Variants in ARHGAP32 observed in about 807,000 individuals in gnomAD.
ARHGAP32 encodes the protein Rho GTPase activating protein 32.
A neutral mutation model predicts 186.5 loss-of-function variants in ARHGAP32; 51 were observed. The ratio of observed to expected loss-of-function variants is 0.27; its 90% confidence interval spans 0.22 to 0.35. The LOEUF is 0.35. Among genes scored for constraint, ARHGAP32 ranks in the 10% least tolerant of loss-of-function variants. The pLI is 1.00. For missense variants in ARHGAP32, 2,186 were observed against 2,623.5 expected (o/e 0.83, Z 3.64); for synonymous variants, 950 against 964.3 (o/e 0.99, Z 0.27).
At chr11:129,063,137 G>T in intron 9 of ARHGAP32, among the ~76,000 whole-genome samples, 1 of 148,336 alleles carries the variant, frequency 6.7e-6, no homozygotes, top group African/African-American at 2.5e-5. Flanking sequence ...AGAGCTTTAG[G>T]AATTTTTCTT....
At chr11:128,975,684 T>C (rs1042262358) in intron 20 of ARHGAP32, among the ~76,000 whole-genome samples, 2 of 152,202 alleles carry the variant, frequency 1.3e-5, no homozygotes, top group African/African-American at 4.8e-5. Flanking sequence ...AGAAACTCTC[T>C]ATTCTATTAG....
intron 12 of ARHGAP32, among the ~76,000 whole-genome samples, chr11:128,989,258 C>A (rs1945967254): frequency 6.6e-6 from 1 of 151,586 alleles, no homozygotes; most frequent in Non-Finnish European, 1.5e-5. Context: ...TTAAAAAAAT[C>A]AAAAAACAAA....
upstream of ARHGAP32, among the ~76,000 whole-genome samples, chr11:129,193,690 TATATA>T (rs1226575656): frequency 0.013 from 352 of 27,476 alleles, no homozygotes; most frequent in Middle Eastern, 0.033. Context: ...TAATATATAT[TATATA>T]ATATATAATA....
chr11:129,208,012 G>C (rs1208663081), intron 1 of ARHGAP32, among the ~76,000 whole-genome samples: 2 of 152,066 alleles, frequency 1.3e-5, no homozygotes, highest in Non-Finnish European at 2.9e-5. Context: ...GGCATTACCT[G>C]CACACAACTG....
chr11:129,022,838 T>C (rs150649844), intron 11 of ARHGAP32, among the ~76,000 whole-genome samples: 1 of 152,288 alleles, frequency 6.6e-6, no homozygotes, highest in African/African-American at 2.4e-5. Flanking sequence ...CTAATTTTCT[T>C]AAATATAAAC....
intron 11 of ARHGAP32, 95 bp from the exon 12 acceptor site, chr11:128,998,563 A>G: frequency 1.2e-6 from 1 of 868,762 alleles, no homozygotes; most frequent in Non-Finnish European, 1.6e-6. Flanking sequence ...CTGACAGCAA[A>G]ATAATCTATT....
chr11:129,248,269 T>C (rs1945131315), intron 1 of ARHGAP32, among the ~76,000 whole-genome samples: 2 of 151,050 alleles, frequency 1.3e-5, no homozygotes, highest in Non-Finnish European at 2.9e-5. Context: ...TATCTGACCA[T>C]CTAGGAAAGA....
At chr11:129,052,091 T>G (rs1206911675) in intron 10 of ARHGAP32, among the ~76,000 whole-genome samples, 1 of 152,152 alleles carries the variant, frequency 6.6e-6, no homozygotes, top group African/African-American at 2.4e-5. Flanking sequence ...ATTTTAATTT[T>G]TGTAGATGGT....
chr11:129,279,060 GAAGGA>G (rs1591394970), intron 1 of ARHGAP32: 2 of 147,438 alleles, frequency 1.4e-5, no homozygotes, highest in African/African-American at 2.4e-5. Flanking sequence ...AATATTTTAA[GAAGGA>G]AAGAGAGGCC....
At chr11:129,103,353 G>C (rs535953898) in intron 5 of ARHGAP32, among the ~76,000 whole-genome samples, 2 of 152,120 alleles carry the variant, frequency 1.3e-5, no homozygotes, top group East Asian at 1.9e-4. Context: ...TATCCACACT[G>C]AATCACTAAG....
rs959675474 is a variant in ARHGAP32, at chr11:128,968,017, A to C, written c.*890T>G. ...TTTTACTAGAATTACAATTCACCAA[A>C]TCTTATTGAGGGGTGGGGTAAGAAG... On this transcript the variant is annotated 3_prime_UTR_variant, in exon 23 of 23. Transcript: ENST00000682385. 2.0e-5 allele frequency: 3 copies of C among 150,686 alleles called. No homozygotes were observed. Among genetic ancestry groups the C allele is most frequent in the Non-Finnish European group, 2.9e-5 (2 of 67,836 alleles). The allele number at this position is 150,686 out of a possible 1,614,324, so 9.3% of individuals were successfully genotyped here. A position where few individuals can be genotyped will look rare whatever the true frequency, so the allele number is the denominator to read the frequency against.
At chr11:129,001,628 T>G (rs1055145003) in intron 11 of ARHGAP32, among the ~76,000 whole-genome samples, 1 of 152,232 alleles carries the variant, frequency 6.6e-6, no homozygotes, top group Admixed American at 6.5e-5. Context: ...GTGATCCCAC[T>G]GTCCATTTTT....
intron 1 of ARHGAP32, among the ~76,000 whole-genome samples, chr11:129,211,184 T>G (rs1185571765): frequency 6.6e-6 from 1 of 152,186 alleles, no homozygotes; most frequent in Non-Finnish European, 1.5e-5. Flanking sequence ...GTTTTTTAAC[T>G]AACTGTTTTT....
At chr11:129,180,471 T>C (rs989002916) in intron 1 of ARHGAP32, among the ~76,000 whole-genome samples, 1 of 152,134 alleles carries the variant, frequency 6.6e-6, no homozygotes, top group Admixed American at 6.6e-5. Flanking sequence ...TTATGATTTG[T>C]AGACTTTATT....
upstream of ARHGAP32, among the ~76,000 whole-genome samples, chr11:129,194,193 T>C (rs1423137301): frequency 6.6e-6 from 1 of 152,074 alleles, no homozygotes; most frequent in African/African-American, 2.4e-5. Context: ...TTTAGCAAAA[T>C]CTACCAAAAT....
chr11:129,148,422 A>T (rs1194341943), intron 2 of ARHGAP32, among the ~76,000 whole-genome samples: 1 of 152,150 alleles, frequency 6.6e-6, no homozygotes, highest in Non-Finnish European at 1.5e-5. Flanking sequence ...AAAAACATAA[A>T]AGTGGAAACA....
At position 128,969,644 on chromosome 11, in the gene ARHGAP32, C is replaced by T. The variant is rs371147218; in HGVS notation, c.5569G>A (p.Gly1857Arg). The T allele has an allele frequency of 2.7e-5, 44 of 1,613,962 alleles. No homozygotes were observed. The Middle Eastern group carries it at 8.2e-4, about 30-fold the overall frequency. Residue 1857 changes from glycine (G) to arginine (R), a missense_variant, in exon 23 of 23, where the codon GGA becomes AGA. This residue lies in a region of ARHGAP32 where 1,502 missense variants were observed against 1,570.0 expected (regional missense o/e 0.96). Transcript: ENST00000682385. The surrounding 1 kb of genome is among the most constrained non-coding windows in gnomAD (Gnocchi z 4.8). ...TCCGGCTGCGTGCTACCATGGCCTC[C>T]GTGATGGTGGGCTCTGTCCATCTCT... ...EAEMDRAHHH[G>R]GHGSTQPEKP...
intron 12 of ARHGAP32, among the ~76,000 whole-genome samples, chr11:128,990,436 C>G (rs1485695680): frequency 6.6e-6 from 1 of 152,140 alleles, no homozygotes; most frequent in Admixed American, 6.6e-5. Flanking sequence ...AATTAATTTA[C>G]CAGTGCCCTG....
At chr11:129,211,734 A>C (rs1944584686) in intron 1 of ARHGAP32, among the ~76,000 whole-genome samples, 1 of 152,192 alleles carries the variant, frequency 6.6e-6, no homozygotes, top group African/African-American at 2.4e-5. Context: ...TCCACAGTTG[A>C]TTGTGTTTAA....
Sources: allele counts gnomAD v4.1 joint callset (sites outside exome capture counted in the v4.1 genomes callset), GRCh38; gene constraint gnomAD v4.1.1; regional missense constraint gnomAD v4.1.1; non-coding constraint Gnocchi (gnomAD v3.1); transcripts MANE v1.5; gene names NCBI Gene and HGNC (gene_info 2026-07-23, HGNC 2026-07-21).